Variants in HORMAD2 observed in about 807,000 individuals in gnomAD.
The protein encoded by HORMAD2 is HORMA domain-containing protein 2.
Under a neutral mutation model 38.8 loss-of-function variants are expected in HORMAD2, and 45 were observed. That is an observed-to-expected ratio of 1.16 (90% CI 0.91 to 1.49). The LOEUF (loss-of-function observed/expected upper bound fraction) is 1.49. Ranked by LOEUF, HORMAD2 falls within the 40% of genes most tolerant of loss-of-function variation. HORMAD2 has a pLI of 0.00. For missense variants in HORMAD2, 338 were observed against 367.0 expected, an observed-to-expected ratio of 0.92 and a Z score of 0.65; for synonymous variants, 126 against 122.8, an observed-to-expected ratio of 1.03 and a Z score of -0.17.
At chr22:30,127,496 C>A (rs373208845) in intron 10 of HORMAD2, among the ~76,000 whole-genome samples, 1 of 152,216 alleles carries the variant, frequency 6.6e-6, no homozygotes, top group Non-Finnish European at 1.5e-5. Context: ...TGTGAACCAC[C>A]ACGCCCAGCC....
chr22:30,130,518 T>C (rs1923198407), intron 10 of HORMAD2, among the ~76,000 whole-genome samples: 1 of 151,792 alleles, frequency 6.6e-6, no homozygotes, highest in East Asian at 1.9e-4. Context: ...AACGCTGTCC[T>C]AATTGTGTCC....
chr22:30,169,306 T>G (rs1278289488), intron 10 of HORMAD2, among the ~76,000 whole-genome samples: 2 of 152,196 alleles, frequency 1.3e-5, no homozygotes, highest in Non-Finnish European at 2.9e-5. Context: ...TGATCAGCTT[T>G]GTATCTTTAG....
At chr22:30,184,274 A>T in the HORMAD2 span, among the ~76,000 whole-genome samples, 1 of 152,118 alleles carries the variant, frequency 6.6e-6, no homozygotes, top group Admixed American at 6.5e-5. Flanking sequence ...TAATGAAATG[A>T]CTCTCTAGCT....
chr22:30,124,942 T>A (rs1215601255), intron 10 of HORMAD2, among the ~76,000 whole-genome samples: 2 of 152,176 alleles, frequency 1.3e-5, no homozygotes, highest in Non-Finnish European at 2.9e-5. Flanking sequence ...GGTTTATGTT[T>A]CCTGCCAGTC....
chr22:30,091,104 T>A (rs1366492830), intron 1 of HORMAD2, among the ~76,000 whole-genome samples: 1 of 152,144 alleles, frequency 6.6e-6, no homozygotes, highest in Non-Finnish European at 1.5e-5. Flanking sequence ...TTGACTTACT[T>A]CACTTAAAAT....
At chr22:30,094,857 G>A (rs2068754140) in intron 2 of HORMAD2, among the ~76,000 whole-genome samples, 1 of 152,174 alleles carries the variant, frequency 6.6e-6, no homozygotes, top group African/African-American at 2.4e-5. Flanking sequence ...TGGCTGACTG[G>A]TTTTGGACTG....
At chr22:30,157,424 C>T (rs1213186954) in intron 10 of HORMAD2, among the ~76,000 whole-genome samples, 1 of 151,568 alleles carries the variant, frequency 6.6e-6, no homozygotes, top group Non-Finnish European at 1.5e-5. Flanking sequence ...CTGTTTGGTA[C>T]ATGGCAAATA....
chr22:30,145,412 C>T (rs1307709057), intron 10 of HORMAD2, among the ~76,000 whole-genome samples: 1 of 151,726 alleles, frequency 6.6e-6, no homozygotes, highest in South Asian at 2.1e-4. Context: ...AATTGTACCT[C>T]AATAAAATAA....
chr22:30,131,619 T>A (rs187403118), intron 10 of HORMAD2, among the ~76,000 whole-genome samples: 19 of 152,324 alleles, frequency 1.2e-4, no homozygotes, highest in Non-Finnish European at 2.4e-4. Flanking sequence ...ACAAGTATTT[T>A]TAAAGTTTAT....
chr22:30,112,473 G>T (rs1267640177), intron 6 of HORMAD2, 23 bp from the exon 7 acceptor site: 2 of 1,310,796 alleles, frequency 1.5e-6, no homozygotes, highest in Non-Finnish European at 2.1e-6. Context: ...GAAATTAAAT[G>T]ATGTTTATTT....
At chr22:30,086,956 A>G (rs1181608563) in intron 1 of HORMAD2, among the ~76,000 whole-genome samples, 1 of 152,074 alleles carries the variant, frequency 6.6e-6, no homozygotes, top group Non-Finnish European at 1.5e-5. Context: ...CACTACGCCC[A>G]GCTAATTTTG....
At chr22:30,194,409 A>C in the HORMAD2 span, among the ~76,000 whole-genome samples, 6 of 152,236 alleles carry the variant, frequency 3.9e-5, no homozygotes, top group Non-Finnish European at 7.3e-5. Context: ...ATTGAAGAAG[A>C]GGAATGAAAC....
At chr22:30,199,014 C>T in the HORMAD2 span, among the ~76,000 whole-genome samples, 11 of 152,298 alleles carry the variant, frequency 7.2e-5, no homozygotes, top group South Asian at 2.1e-4. Flanking sequence ...CCTCAGGAAC[C>T]TTTGGGGGCT....
chr22:30,084,525 C>T (rs935276990), intron 1 of HORMAD2, among the ~76,000 whole-genome samples: 1 of 152,168 alleles, frequency 6.6e-6, no homozygotes, highest in African/African-American at 2.4e-5. Flanking sequence ...AAAGTTTCTT[C>T]TACCTTTAAA....
chr22:30,204,234 C>T, the HORMAD2 span, among the ~76,000 whole-genome samples: 3 of 152,142 alleles, frequency 2.0e-5, no homozygotes, highest in African/African-American at 4.8e-5. Flanking sequence ...AGGTCACCCA[C>T]GGGCCCCAGA....
rs764861532 is a variant in HORMAD2 at position 30,176,063 on chromosome 22, A to G, written c.820A>G (p.Ile274Val). The change falls in exon 11 of 11, where the codon ATT becomes GTT. Residue 274 changes from isoleucine to valine, a missense_variant and splice_region_variant. Coordinates refer to ENST00000336726, the MANE Select transcript of HORMAD2 (RefSeq NM_152510.4). ...CDEEEECNDH[I>V]QRMNFVCSQQ... ...TGCCTCTCTCTGGTGATTCTCACAG[A>G]TTCAAAGAATGAATTTTGTGTGCAG... 9 of 1,607,210 alleles carry G rather than the reference A, an allele frequency of 5.6e-6. No homozygotes were observed. The Admixed American group carries it at 8.3e-5, about 15-fold the overall frequency.
intron 10 of HORMAD2, among the ~76,000 whole-genome samples, chr22:30,158,554 CT>C (rs1925231746): frequency 2.3e-5 from 2 of 86,926 alleles, no homozygotes; most frequent in Admixed American, 1.3e-4. Context: ...TCCTTCCTCC[CT>C]CCCCTCCCCT....
At chr22:30,206,764 C>T in the HORMAD2 span, among the ~76,000 whole-genome samples, 34 of 152,274 alleles carry the variant, frequency 2.2e-4, no homozygotes, top group Admixed American at 9.8e-4. Context: ...CCACTCTGCC[C>T]GGCCAATCTC....
At chr22:30,202,708 C>G in the HORMAD2 span, among the ~76,000 whole-genome samples, 1 of 152,228 alleles carries the variant, frequency 6.6e-6, no homozygotes, top group Non-Finnish European at 1.5e-5. Context: ...TCTCCCAAAT[C>G]TCAGCAGACA....
Sources: allele counts gnomAD v4.1 joint callset (sites outside exome capture counted in the v4.1 genomes callset), GRCh38; gene constraint gnomAD v4.1.1; transcripts MANE v1.5; gene names NCBI Gene and HGNC (gene_info 2026-07-23, HGNC 2026-07-21).